NAV2: variants seen among roughly 807,000 people sequenced by gnomAD.
NAV2 encodes the protein neuron navigator 2.
A neutral mutation model predicts 223.2 loss-of-function variants in NAV2; 54 were observed. That is an observed-to-expected ratio of 0.24 (90% confidence interval 0.19 to 0.30). The LOEUF is 0.30. NAV2 is among the 10% of genes least tolerant of loss of function. The pLI, the probability that NAV2 is intolerant of heterozygous loss-of-function variation, is 1.00. For synonymous variants in NAV2, 1,279 were observed against 1,239.3 expected (o/e 1.03, Z -0.67); for missense variants, 2,806 against 3,147.5 (o/e 0.89, Z 2.60).
intron 4 of NAV2, among the ~76,000 whole-genome samples, chr11:19,876,797 T>C (rs1320672934): frequency 6.6e-6 from 1 of 151,754 alleles, no homozygotes; most frequent in Non-Finnish European, 1.5e-5. Context: ...TCCTGTTTTT[T>C]CTTGCATGGT....
rs74421747 is a variant in NAV2 at position 19,877,603 on chromosome 11, G to C, written c.512-2266G>C. On this transcript the variant is annotated intron_variant, in intron 4 of 37. Coordinates refer to ENST00000349880, the MANE Select transcript of NAV2 (RefSeq NM_145117.5). ...TTCTCCTGCCTCAGCCTCCTGAGTA[G>C]CTGGGACCACACGCGCCCGCCACCA... Among the ~76,000 whole-genome samples the C allele has an allele frequency of 2.4e-3, 357 of 151,394 alleles. 1 individual carries two copies. Among genetic ancestry groups the C allele is most frequent in the African/African-American group, 8.1e-3 (333 of 41,174 alleles).
chr11:19,864,961 A>G (rs2062002931), intron 3 of NAV2, among the ~76,000 whole-genome samples: 1 of 152,172 alleles, frequency 6.6e-6, no homozygotes. Flanking sequence ...ACTCAGTCCC[A>G]GAGCTCTTGG....
At chr11:19,927,302 C>G (rs910615605) in intron 6 of NAV2, among the ~76,000 whole-genome samples, 1 of 152,208 alleles carries the variant, frequency 6.6e-6, no homozygotes, top group Non-Finnish European at 1.5e-5. Flanking sequence ...TGTTTAAGGG[C>G]CAGGCGTAGT....
intron 3 of NAV2, among the ~76,000 whole-genome samples, chr11:19,860,896 C>A (rs1237397167): frequency 1.7e-4 from 25 of 148,088 alleles, no homozygotes; most frequent in African/African-American, 3.8e-4. Flanking sequence ...TCAGGCGTGG[C>A]GGCGCGCGCC....
chr11:19,685,337 C>T (rs1312870523), intron 1 of NAV2, among the ~76,000 whole-genome samples: 1 of 152,128 alleles, frequency 6.6e-6, no homozygotes, highest in Non-Finnish European at 1.5e-5. Flanking sequence ...GAAGAAGCCT[C>T]GAAGACTTCC....
chr11:19,382,406 C>T lies in NAV2; in HGVS notation c.75+31379C>T, dbSNP rs547968664. On this transcript the variant is annotated intron_variant, in intron 1 of 37. Coordinates refer to the NAV2 transcript ENST00000360655. ...GCACGGGGTGAGACAATTGTGCCGA[C>T]TGGCAAACCTTGATGAATTGGAACT... Among the ~76,000 whole-genome samples the T allele has an allele frequency of 9.2e-5, 14 of 152,326 alleles. No homozygotes were observed. The East Asian group carries it at 2.7e-3, about 29-fold the overall frequency.
chr11:19,483,823 G>A (rs965684492), intron 1 of NAV2, among the ~76,000 whole-genome samples: 8 of 152,168 alleles, frequency 5.3e-5, no homozygotes, highest in African/African-American at 1.7e-4. Context: ...GCAAGGTTAA[G>A]GGGGGACCAC....
chr11:19,728,991 T>C (rs979366804), intron 1 of NAV2, among the ~76,000 whole-genome samples: 3 of 152,154 alleles, frequency 2.0e-5, no homozygotes, highest in African/African-American at 7.2e-5. Flanking sequence ...TAAACTTCAA[T>C]GTACTCAGGA....
At chr11:19,928,119 A>G (rs1377836753) in intron 6 of NAV2, among the ~76,000 whole-genome samples, 2 of 152,234 alleles carry the variant, frequency 1.3e-5, no homozygotes, top group African/African-American at 2.4e-5. Flanking sequence ...TAATATGAGT[A>G]TATCTTGATT....
intron 11 of NAV2, among the ~76,000 whole-genome samples, chr11:20,001,717 AG>A (rs371509997): frequency 0.016 from 1,059 of 64,232 alleles, 15 homozygotes; most frequent in African/African-American, 0.059. Context: ...GGGTGGGGGG[AG>A]GGGGGACGGA....
At chr11:20,028,062 A>T (rs998629884) in intron 11 of NAV2, among the ~76,000 whole-genome samples, 28 of 152,198 alleles carry the variant, frequency 1.8e-4, no homozygotes, top group African/African-American at 6.8e-4. Flanking sequence ...AAATTTGCCT[A>T]TATTAAATAT....
chr11:19,603,172 G>T lies in NAV2; in HGVS notation c.76-229312G>T, dbSNP rs566149126. ...GCAGGGAGGTCCACTGGTGGTTCTC[G>T]AGTGACAGAGGAGCATTATAGAATT... On this transcript the variant is annotated intron_variant, in intron 1 of 37. Coordinates refer to the NAV2 transcript ENST00000360655. 3.9e-5 allele frequency among the ~76,000 whole-genome samples: 6 copies of T among 152,318 alleles called. No homozygotes were observed. The South Asian group carries it at 1.2e-3, about 32-fold the overall frequency.
Position 20,103,792 on chromosome 11 carries a change from G to A in NAV2, c.6644+68G>A, listed in dbSNP as rs975033528. The A allele has an allele frequency of 5.1e-6, 7 of 1,366,126 alleles. No homozygotes were observed. The African/African-American group carries it at 7.2e-5, about 14-fold the overall frequency. The allele number at this position is 1,366,126 out of a possible 1,614,324, so 84.6% of individuals were successfully genotyped here. On this transcript the variant is annotated intron_variant, in intron 34 of 37. Transcript: ENST00000349880. ...AAAGAAGAAAAGCAAGAAGGGGCGG[G>A]TAGAGATGCCTGTGTTGAGTATGTG...
intron 1 of NAV2, among the ~76,000 whole-genome samples, chr11:19,686,168 C>T (rs1211603576): frequency 6.6e-6 from 1 of 152,162 alleles, no homozygotes; most frequent in Non-Finnish European, 1.5e-5. Context: ...CCTACTCAGC[C>T]TTCTAGTCCC....
chr11:19,470,325 A>G (rs1032932820), intron 1 of NAV2, among the ~76,000 whole-genome samples: 4 of 152,216 alleles, frequency 2.6e-5, no homozygotes, highest in Non-Finnish European at 4.4e-5. Context: ...TAATCAAGGG[A>G]CAATTTACCA....
rs558186255 is a variant in NAV2, at chr11:19,899,795, G to A, written c.931+7201G>A. ...CTTAGAGAAAAGGAAGGCTGGGAAA[G>A]AATGACTTGTCCTGCCCTTCCTGAT... On this transcript the variant is annotated intron_variant, in intron 6 of 37. Coordinates refer to ENST00000349880, the MANE Select transcript of NAV2 (RefSeq NM_145117.5). Among the ~76,000 whole-genome samples the A allele has an allele frequency of 7.5e-4, 115 of 152,320 alleles. 1 individual carries two copies. In the South Asian group the frequency reaches 0.023, roughly 31 times the overall value.
intron 1 of NAV2, among the ~76,000 whole-genome samples, chr11:19,354,282 A>C (rs1185522111): frequency 6.6e-6 from 1 of 152,236 alleles, no homozygotes; most frequent in African/African-American, 2.4e-5. Context: ...AATGATGGAA[A>C]TGTTCTATTC....
At chr11:19,547,025 A>G (rs1312039603) in intron 1 of NAV2, among the ~76,000 whole-genome samples, 1 of 152,212 alleles carries the variant, frequency 6.6e-6, no homozygotes, top group Non-Finnish European at 1.5e-5. Flanking sequence ...CAGGCATAGA[A>G]TCAGAGTGGG....
At chr11:19,913,725 C>T (rs1263924523) in intron 6 of NAV2, among the ~76,000 whole-genome samples, 5 of 151,862 alleles carry the variant, frequency 3.3e-5, no homozygotes, top group African/African-American at 7.3e-5. Flanking sequence ...GTAGCAATCA[C>T]GCACTCTGGG....
Sources: allele counts gnomAD v4.1 joint callset (sites outside exome capture counted in the v4.1 genomes callset), GRCh38; gene constraint gnomAD v4.1.1; transcripts MANE v1.5; gene names NCBI Gene and HGNC (gene_info 2026-07-23, HGNC 2026-07-21).